FAM171A1: variants seen among roughly 807,000 people sequenced by gnomAD.
FAM171A1 encodes the protein family with sequence similarity 171 member A1.
Under a neutral mutation model 74.9 loss-of-function variants are expected in FAM171A1, and 23 were observed. The ratio of observed to expected loss-of-function variants is 0.31; its 90% confidence interval spans 0.22 to 0.44. The LOEUF is 0.44. FAM171A1 is among the 20% of genes least tolerant of loss of function. FAM171A1 has a pLI of 1.00. For missense variants in FAM171A1, 1,162 were observed against 1,159.2 expected (o/e 1.00, Z -0.03); for synonymous variants, 527 against 505.7 (o/e 1.04, Z -0.57).
At chr10:15,261,723 A>G (rs1333961209) in intron 3 of FAM171A1, among the ~76,000 whole-genome samples, 1 of 152,178 alleles carries the variant, frequency 6.6e-6, no homozygotes, top group Non-Finnish European at 1.5e-5. Context: ...GGCACAGATA[A>G]AGAAAATCTA....
At chr10:15,326,629 CT>C (rs1286932440) in intron 1 of FAM171A1, among the ~76,000 whole-genome samples, 1 of 150,936 alleles carries the variant, frequency 6.6e-6, no homozygotes, top group Admixed American at 6.6e-5. Flanking sequence ...TCTTACAATT[CT>C]TGTTGTTTGT....
At chr10:15,350,844 T>A (rs142127476) in intron 1 of FAM171A1, among the ~76,000 whole-genome samples, 11 of 152,268 alleles carry the variant, frequency 7.2e-5, no homozygotes, top group African/African-American at 2.6e-4. Flanking sequence ...GGTTTCGCCA[T>A]GTTAAGCAGG....
chr10:15,238,053 G>C (rs1834316643), intron 5 of FAM171A1, among the ~76,000 whole-genome samples: 1 of 152,150 alleles, frequency 6.6e-6, no homozygotes, highest in African/African-American at 2.4e-5. Context: ...GATGCCCAAG[G>C]TTCTAAAATC....
intron 1 of FAM171A1, among the ~76,000 whole-genome samples, chr10:15,317,436 C>T (rs1032546825): frequency 6.6e-6 from 1 of 152,150 alleles, no homozygotes; most frequent in African/African-American, 2.4e-5. Flanking sequence ...TGCTCTGTTG[C>T]CCAGACTGGA....
chr10:15,325,308 G>T (rs1265339812), intron 1 of FAM171A1, among the ~76,000 whole-genome samples: 2 of 152,168 alleles, frequency 1.3e-5, no homozygotes, highest in Non-Finnish European at 2.9e-5. Context: ...CCAAGCTCGA[G>T]ATCAGCCTAG....
intron 5 of FAM171A1, among the ~76,000 whole-genome samples, chr10:15,238,553 C>A (rs1834324821): frequency 6.6e-6 from 1 of 151,444 alleles, no homozygotes; most frequent in Admixed American, 6.6e-5. Context: ...CCCAATGAAC[C>A]TGAAAAACAA....
At chr10:15,229,600 C>T (rs1200082566) in intron 5 of FAM171A1, among the ~76,000 whole-genome samples, 1,653 of 115,854 alleles carry the variant, frequency 0.014, 20 homozygotes, top group Non-Finnish European at 0.022. Context: ...ACCATCATCA[C>T]CATCACCATC....
intron 1 of FAM171A1, among the ~76,000 whole-genome samples, chr10:15,345,644 G>A (rs1373143462): frequency 6.6e-6 from 1 of 152,162 alleles, no homozygotes; most frequent in Non-Finnish European, 1.5e-5. Flanking sequence ...TCCAGGAGGG[G>A]GCTGGGAAGT....
chr10:15,235,878 C>G (rs1202872440), intron 5 of FAM171A1, among the ~76,000 whole-genome samples: 2 of 152,082 alleles, frequency 1.3e-5, no homozygotes, highest in Non-Finnish European at 2.9e-5. Context: ...TACCTGGAAC[C>G]TTCATCTCTC....
chr10:15,229,600 CCATCACCAT>C lies in FAM171A1; in HGVS notation c.755-8549_755-8541del, dbSNP rs1374560759. Among the ~76,000 whole-genome samples the C allele has an allele frequency of 4.5e-4, 52 of 116,160 alleles. 4 individuals carry two copies. Among genetic ancestry groups the C allele is most frequent in the Non-Finnish European group, 2.4e-4 (12 of 50,338 alleles). 76.2% of individuals were successfully genotyped at this position (116,160 alleles called of 152,430 possible). A position where few individuals can be genotyped will look rare whatever the true frequency, so the allele number is the denominator to read the frequency against. On this transcript the variant is annotated intron_variant, in intron 5 of 7. Coordinates refer to ENST00000378116, the MANE Select transcript of FAM171A1 (RefSeq NM_001010924.2). ...AACGTCATCATCATCACCATCATCACCATCACCATCATCACCATTGTCACCCCCATCACC... is the reference window on the plus strand; with the variant it reads ...AACGTCATCATCATCACCATCATCACCATCACCATTGTCACCCCCATCACC...
intron 1 of FAM171A1, among the ~76,000 whole-genome samples, chr10:15,311,156 T>G (rs924657747): frequency 1.3e-5 from 2 of 152,250 alleles, no homozygotes; most frequent in East Asian, 3.8e-4. Flanking sequence ...ACATTTACAG[T>G]TGTTGCCTTT....
At chr10:15,236,406 C>T (rs558496958) in intron 5 of FAM171A1, among the ~76,000 whole-genome samples, 1 of 152,052 alleles carries the variant, frequency 6.6e-6, no homozygotes, top group Non-Finnish European at 1.5e-5. Flanking sequence ...TAGGCACTCT[C>T]CACTCACAGC....
chr10:15,238,625 A>G (rs981836397), intron 5 of FAM171A1, among the ~76,000 whole-genome samples: 7 of 151,828 alleles, frequency 4.6e-5, no homozygotes, highest in African/African-American at 1.7e-4. Context: ...TCACTTAGGT[A>G]AAAGGACTAA....
At chr10:15,233,707 T>A (rs765588225) in intron 5 of FAM171A1, among the ~76,000 whole-genome samples, 2 of 152,100 alleles carry the variant, frequency 1.3e-5, no homozygotes, top group African/African-American at 4.8e-5. Flanking sequence ...ATGGAGACCA[T>A]CGTGGCCAAT....
At chr10:15,305,955 G>C in intron 1 of FAM171A1, among the ~76,000 whole-genome samples, 1 of 152,168 alleles carries the variant, frequency 6.6e-6, no homozygotes, top group East Asian at 1.9e-4. Context: ...AGGCGAGGAG[G>C]GTGGCCTGGA....
chr10:15,369,648 A>G (rs1000440614), intron 1 of FAM171A1, among the ~76,000 whole-genome samples: 2 of 152,204 alleles, frequency 1.3e-5, no homozygotes, highest in African/African-American at 4.8e-5. Context: ...TCAACTCAAC[A>G]TGTAGGCAAC....
intron 1 of FAM171A1, among the ~76,000 whole-genome samples, chr10:15,355,276 T>C (rs1160759359): frequency 6.6e-6 from 1 of 152,216 alleles, no homozygotes; most frequent in Non-Finnish European, 1.5e-5. Flanking sequence ...GGTCTCAATA[T>C]GTTGCCCAGG....
intron 1 of FAM171A1, among the ~76,000 whole-genome samples, chr10:15,319,122 A>G (rs1835456204): frequency 6.6e-6 from 1 of 152,242 alleles, no homozygotes; most frequent in African/African-American, 2.4e-5. Context: ...GGCTGACTCC[A>G]CAGGGTGGAA....
At chr10:15,238,074 T>A (rs1480016196) in intron 5 of FAM171A1, among the ~76,000 whole-genome samples, 1 of 152,156 alleles carries the variant, frequency 6.6e-6, no homozygotes, top group Non-Finnish European at 1.5e-5. Flanking sequence ...ACGTCACACA[T>A]CTACGCACAG....
Sources: allele counts gnomAD v4.1 joint callset (sites outside exome capture counted in the v4.1 genomes callset), GRCh38; gene constraint gnomAD v4.1.1; transcripts MANE v1.5; gene names NCBI Gene and HGNC (gene_info 2026-07-23, HGNC 2026-07-21).